The following LMNB1 variants were observed in gnomAD, a reference collection of about 807,000 sequenced individuals.
LMNB1 encodes lamin B1, also known as lamin-B1.
In LMNB1, 23 loss-of-function variants were observed where a neutral mutation model predicts 67.1. The ratio of observed to expected loss-of-function variants is 0.34; its 90% CI spans 0.25 to 0.49. LMNB1 has a LOEUF of 0.49. LMNB1 is among the 20% of genes least tolerant of loss of function. The pLI is 0.99. For synonymous variants in LMNB1, 281 were observed against 282.9 expected (o/e 0.99, Z 0.07); for missense variants, 634 against 746.5 (o/e 0.85, Z 1.76).
chr5:126,835,681 A>G (rs1351651017), intron 10 of LMNB1, among the ~76,000 whole-genome samples: 1 of 152,252 alleles, frequency 6.6e-6, no homozygotes, highest in African/African-American at 2.4e-5. Context: ...TGATTGATCA[A>G]GGGACCTAGA....
rs13181068 is a variant in LMNB1 at position 126,777,574 on chromosome 5, G to A, written c.66G>A (p.Leu22=). 2.6e-6 allele frequency: 4 copies of A among 1,512,290 alleles called. No homozygotes were observed. The African/African-American group carries it at 4.3e-5, about 16-fold the overall frequency. The allele number at this position is 1,512,290 out of a possible 1,614,324, so 93.7% of individuals were successfully genotyped here. A position where few individuals can be genotyped will look rare whatever the true frequency, so the allele number is the denominator to read the frequency against. The change falls in exon 1 of 11, where the codon CTG becomes CTA. Residue 22 remains leucine, a synonymous_variant. Transcript: ENST00000261366. ...GSRAGGPTTP[L]SPTRLSRLQE... is the part of the protein sequence containing the mutation. ...GCGCTGGCGGCCCCACCACGCCGCT[G>A]AGCCCCACGCGCCTGTCGCGGCTCC...
intron 5 of LMNB1, among the ~76,000 whole-genome samples, chr5:126,814,852 G>T (rs1189692441): frequency 6.6e-6 from 1 of 152,122 alleles, no homozygotes; most frequent in Non-Finnish European, 1.5e-5. Context: ...GGGATTACAG[G>T]TGTAAGCCAC....
intron 1 of LMNB1, among the ~76,000 whole-genome samples, chr5:126,788,063 A>C (rs951864102): frequency 1.3e-5 from 2 of 152,100 alleles, no homozygotes; most frequent in African/African-American, 4.8e-5. Context: ...GAAAGGAGAG[A>C]AGGTGGATTT....
At chr5:126,796,939 C>T (rs1213250839) in intron 1 of LMNB1, among the ~76,000 whole-genome samples, 1 of 152,128 alleles carries the variant, frequency 6.6e-6, no homozygotes, top group Non-Finnish European at 1.5e-5. Flanking sequence ...TAGGCATGGA[C>T]CACCATGTCC....
intron 5 of LMNB1, among the ~76,000 whole-genome samples, chr5:126,818,142 A>G (rs1278892013): frequency 6.6e-6 from 1 of 152,156 alleles, no homozygotes; most frequent in Non-Finnish European, 1.5e-5. Flanking sequence ...CATAGTAACC[A>G]GAGTCCCTTT....
intron 1 of LMNB1, among the ~76,000 whole-genome samples, chr5:126,795,247 C>T (rs1383650430): frequency 6.6e-6 from 1 of 151,886 alleles, no homozygotes; most frequent in East Asian, 1.9e-4. Context: ...AAGCAATCCT[C>T]CCATCTCAGT....
chr5:126,826,330 C>T (rs12518092), intron 9 of LMNB1, among the ~76,000 whole-genome samples: 2,839 of 152,272 alleles, frequency 0.019, 141 homozygotes, highest in Admixed American at 0.11. Context: ...TTTCTGTGTC[C>T]TGTTTCTGTT....
chr5:126,798,762 A>AAT (rs142450316), intron 1 of LMNB1, among the ~76,000 whole-genome samples: 1 of 149,070 alleles, frequency 6.7e-6, no homozygotes, highest in African/African-American at 2.5e-5. Context: ...AAAAAAGAGA[A>AAT]GTGTGTGTGT....
At chr5:126,793,461 T>C (rs759976071) in intron 1 of LMNB1, among the ~76,000 whole-genome samples, 12 of 152,228 alleles carry the variant, frequency 7.9e-5, no homozygotes, top group Non-Finnish European at 1.5e-4. Flanking sequence ...CAGATTAGTT[T>C]ATTCAGTGAG....
Position 126,826,101 on chromosome 5 carries a change from G to A in LMNB1, c.1605G>A (p.Gln535=). 1 of 1,612,250 alleles carries A rather than the reference G, an allele frequency of 6.2e-7. No individual in the cohort carries two copies. The highest frequency in any genetic ancestry group is 1.1e-5 in the South Asian group (1 of 90,952). The change falls in exon 9 of 11, where the codon CAG becomes CAA. Residue 535 remains glutamine (Q), a synonymous_variant. Transcript: ENST00000261366. The part of the protein sequence containing the change: ...EDVKVILKNS[Q]GEEVAQRSTV... ...TGAAGGTTATATTGAAAAATTCTCA[G>A]GGAGAGGTATGGCCAGTTTATCAGG... is the stretch of plus-strand genomic sequence containing the variant.
At chr5:126,833,124 A>G (rs1280763412) in intron 10 of LMNB1, among the ~76,000 whole-genome samples, 1 of 152,252 alleles carries the variant, frequency 6.6e-6, no homozygotes, top group African/African-American at 2.4e-5. Flanking sequence ...GTAGGGTCCT[A>G]TGATTAAAAG....
intron 9 of LMNB1, among the ~76,000 whole-genome samples, chr5:126,829,258 G>A (rs77792150): frequency 0.031 from 4,740 of 151,928 alleles, 98 homozygotes; most frequent in Middle Eastern, 0.11. Context: ...ACCTAATCCA[G>A]TGGCTCACAG....
intron 1 of LMNB1, among the ~76,000 whole-genome samples, chr5:126,781,190 G>C (rs998832948): frequency 1.3e-5 from 2 of 152,164 alleles, no homozygotes; most frequent in African/African-American, 4.8e-5. Flanking sequence ...TGTGGAGGCT[G>C]AGGCAGGAGG....
At position 126,822,953 on chromosome 5, in the gene LMNB1, T is replaced by C. The variant is rs907041998; in HGVS notation, c.1491+68T>C. On this transcript the variant is annotated intron_variant, in intron 8 of 10. Transcript: ENST00000261366. ...AACTAACAAAGTAACTCAAAAAGTT[T>C]TTTGGCTAAAAGAGAAGCATTTTAG... 8 of 1,049,742 alleles carry C rather than the reference T, an allele frequency of 7.6e-6. No individual in the cohort carries two copies. In the Admixed American group the frequency reaches 8.0e-5, roughly 11 times the overall value. 65.0% of individuals were successfully genotyped at this position (1,049,742 alleles called of 1,614,324 possible).
intron 10 of LMNB1, among the ~76,000 whole-genome samples, chr5:126,835,248 A>G (rs1003715117): frequency 2.6e-5 from 4 of 152,220 alleles, no homozygotes; most frequent in Non-Finnish European, 4.4e-5. Context: ...AAGAGGGAAG[A>G]TGGAAGGGCA....
At chr5:126,800,951 C>CTATATATATATATATATATATATATA (rs57113826) in intron 1 of LMNB1, among the ~76,000 whole-genome samples, 1 of 47,314 alleles carries the variant, frequency 2.1e-5, no homozygotes, top group African/African-American at 6.8e-5. Context: ...TGCAGCCAGA[C>CTATATATATATATATATATATATATA]TATATATATA....
At chr5:126,832,577 G>C (rs894761505) in intron 9 of LMNB1, 117 bp from the exon 10 acceptor site, 1 of 651,460 alleles carries the variant, frequency 1.5e-6, no homozygotes, top group African/African-American at 1.9e-5. Context: ...TGGGATTACA[G>C]GTGTGAGCCA....
At chr5:126,799,348 C>T (rs1751203942) in intron 1 of LMNB1, among the ~76,000 whole-genome samples, 1 of 152,168 alleles carries the variant, frequency 6.6e-6, no homozygotes, top group African/African-American at 2.4e-5. Context: ...ATATTGTGGC[C>T]TAAGGAGGAA....
upstream of LMNB1, chr5:126,776,729 T>C (rs1320052908): frequency 2.0e-5 from 3 of 152,248 alleles, no homozygotes; most frequent in African/African-American, 7.2e-5. Context: ...CCGCCGAGTG[T>C]GGGCGGTGGC....
Sources: allele counts gnomAD v4.1 joint callset (sites outside exome capture counted in the v4.1 genomes callset), GRCh38; gene constraint gnomAD v4.1.1; transcripts MANE v1.5; gene names NCBI Gene and HGNC (gene_info 2026-07-23, HGNC 2026-07-21).